Variants in LRRFIP1 observed in about 807,000 individuals in gnomAD.
LRRFIP1 encodes LRR binding FLII interacting protein 1, also known as leucine-rich repeat flightless-interacting protein 1.
In LRRFIP1, 62 loss-of-function variants were observed where a neutral mutation model predicts 104.4. The ratio of observed to expected loss-of-function variants is 0.59; its 90% CI spans 0.48 to 0.73. The LOEUF (loss-of-function observed/expected upper bound fraction) is 0.73, where lower values mean the gene tolerates loss of function less well. Ranked by LOEUF, LRRFIP1 falls within the 30% of genes least tolerant of loss-of-function variation. The pLI is 0.00. For missense variants in LRRFIP1, 796 were observed against 824.5 expected, an observed-to-expected ratio of 0.97 and a Z score of 0.42; for synonymous variants, 300 against 299.0, an observed-to-expected ratio of 1.00 and a Z score of -0.03.
chr2:237,776,414 A>G lies in LRRFIP1; in HGVS notation c.1812+1952A>G, dbSNP rs78902373. 4.6e-3 allele frequency among the ~76,000 whole-genome samples: 706 copies of G among 151,966 alleles called. 4 individuals are homozygous for G. The highest frequency in any genetic ancestry group is 0.017 in the Middle Eastern group (5 of 294). ...GGTTAAGAAGAATGTGTAGTCTCTG[A>G]TTTATGGATGCAAAATTCTGTATAC... On this transcript the variant is annotated intron_variant, in intron 23 of 23. Transcript: ENST00000308482.
In LRRFIP1 at chr2:237,703,903, A is replaced by G. The variant is rs1370438740; in HGVS notation, c.97-4641A>G. Among the ~76,000 whole-genome samples the G allele has an allele frequency of 6.6e-6, 1 of 152,104 alleles. No individual in the cohort carries two copies. Among genetic ancestry groups the G allele is most frequent in the Non-Finnish European group, 1.5e-5 (1 of 68,012 alleles). ...CAGAAAGTGACAGGCCGTGTTCAGAAGCTCTTCAAGCAGTCTGACGTGGCT... is the reference window on the plus strand; with the variant it reads ...CAGAAAGTGACAGGCCGTGTTCAGAGGCTCTTCAAGCAGTCTGACGTGGCT... On this transcript the variant is annotated intron_variant, in intron 1 of 23. Coordinates refer to ENST00000308482, the MANE Select transcript of LRRFIP1 (RefSeq NM_001137550.2). The surrounding 1 kb of genome is among the most constrained non-coding windows in gnomAD (Gnocchi z 4.3).
intron 1 of LRRFIP1, among the ~76,000 whole-genome samples, chr2:237,643,103 T>C (rs994786469): frequency 6.6e-6 from 1 of 152,154 alleles, no homozygotes; most frequent in African/African-American, 2.4e-5. Context: ...GTCAGAAAGG[T>C]TTAAAATAAA....
At chr2:237,751,777 A>G (rs192972708) in intron 14 of LRRFIP1, among the ~76,000 whole-genome samples, 55 of 152,314 alleles carry the variant, frequency 3.6e-4, no homozygotes, top group African/African-American at 1.3e-3. Flanking sequence ...TGACTATGGC[A>G]TTGGCTTTCT....
chr2:237,685,140 A>G (rs922784218), intron 1 of LRRFIP1, among the ~76,000 whole-genome samples: 4 of 148,060 alleles, frequency 2.7e-5, no homozygotes, highest in Non-Finnish European at 5.9e-5. Flanking sequence ...CCCAAAAATC[A>G]GAAGTGGTTT....
intron 1 of LRRFIP1, among the ~76,000 whole-genome samples, chr2:237,673,624 T>C (rs1349391705): frequency 1.3e-5 from 2 of 152,194 alleles, no homozygotes; most frequent in Non-Finnish European, 2.9e-5. Context: ...TGGCGTGGTA[T>C]CTGGCACGGC....
intron 6 of LRRFIP1, 118 bp downstream of exon 6, chr2:237,720,940 T>C: frequency 1.2e-6 from 1 of 864,476 alleles, no homozygotes; most frequent in Non-Finnish European, 1.9e-6. Context: ...AGTCAATATT[T>C]AACCGATGAG....
At chr2:237,754,769 G>C (rs551463100) in intron 15 of LRRFIP1, among the ~76,000 whole-genome samples, 1 of 152,364 alleles carries the variant, frequency 6.6e-6, no homozygotes, top group East Asian at 1.9e-4. Flanking sequence ...ATGTGGGAAC[G>C]GAGGAGTGGA....
At chr2:237,734,315 CTG>C (rs896542986) in intron 9 of LRRFIP1, among the ~76,000 whole-genome samples, 5 of 133,588 alleles carry the variant, frequency 3.7e-5, no homozygotes, top group African/African-American at 1.4e-4. Flanking sequence ...GAATCTCCCT[CTG>C]TCACCCAGGC....
chr2:237,725,545 G>A lies in LRRFIP1; in HGVS notation c.384+1959G>A, dbSNP rs554784988. The stretch of plus-strand genomic sequence containing the variant: ...AACACCATCCAAGAGGAGAAAGTTA[G>A]CAGTGTTCTTTAAGAAGGTCAAAGT... On this transcript the variant is annotated intron_variant, in intron 7 of 23. Coordinates refer to ENST00000308482, the MANE Select transcript of LRRFIP1 (RefSeq NM_001137550.2). Among the ~76,000 whole-genome samples, 5 of 152,210 alleles carry A rather than the reference G, an allele frequency of 3.3e-5. No homozygotes were observed. In the South Asian group the frequency reaches 6.2e-4, roughly 19 times the overall value.
rs997018034 is a variant in LRRFIP1, at chr2:237,661,612, G to A, written c.96+33872G>A. Among the ~76,000 whole-genome samples, 2 of 152,144 alleles carry A rather than the reference G, an allele frequency of 1.3e-5. No individual in the cohort carries two copies. The highest frequency in any genetic ancestry group is 2.9e-5 in the Non-Finnish European group (2 of 68,038). ...CCATGAAACCATCCTTGTCCTCACT[G>A]TCGATGGAATTTTTCAGTGATACCT... On this transcript the variant is annotated intron_variant, in intron 1 of 23. Coordinates refer to ENST00000308482, the MANE Select transcript of LRRFIP1 (RefSeq NM_001137550.2). This position sits in a 1 kb window ranked among gnomAD's most constrained non-coding sequence, Gnocchi z 4.4.
intron 8 of LRRFIP1, 90 bp downstream of exon 8, chr2:237,728,025 G>A: frequency 1.1e-6 from 1 of 927,244 alleles, no homozygotes; most frequent in South Asian, 1.6e-5. Context: ...TTTAAATTTA[G>A]CTTCTTTGCT....
At chr2:237,759,959 C>A in intron 18 of LRRFIP1, 105 bp from the exon 19 acceptor site, 1 of 1,011,002 alleles carries the variant, frequency 9.9e-7, no homozygotes, top group Non-Finnish European at 1.5e-6. Flanking sequence ...TGGAGTTACC[C>A]TGTACTTCAG....
intron 19 of LRRFIP1, 64 bp downstream of exon 19, chr2:237,760,269 C>G: frequency 6.4e-7 from 1 of 1,573,044 alleles, no homozygotes; most frequent in Admixed American, 1.7e-5. Flanking sequence ...ACCCTCCATG[C>G]ACTGCTGGGG....
intron 8 of LRRFIP1, among the ~76,000 whole-genome samples, chr2:237,730,912 CATCTCAGACAAACAAACAAACA>C (rs1455222245): frequency 7.0e-6 from 1 of 142,830 alleles, no homozygotes; most frequent in Non-Finnish European, 1.5e-5. Flanking sequence ...AGTGAGATTC[CATCTCAGACAAACAAACAAACA>C]AACAAACAAA....
intron 19 of LRRFIP1, chr2:237,762,632 G>T: frequency 6.2e-7 from 1 of 1,608,052 alleles, no homozygotes; most frequent in Non-Finnish European, 8.5e-7. Context: ...GGTGAAAAAT[G>T]AAATCGTGGC....
At chr2:237,771,871 A>C (rs903159031) in intron 20 of LRRFIP1, 1 of 542,802 alleles carries the variant, frequency 1.8e-6, no homozygotes, top group Admixed American at 3.1e-5. Flanking sequence ...GAAGAATTTC[A>C]CTTTAGAAAT....
chr2:237,632,711 G>A (rs10192136), intron 1 of LRRFIP1, among the ~76,000 whole-genome samples: 67,731 of 151,918 alleles, frequency 0.45, 15,313 homozygotes, highest in African/African-American at 0.46. Context: ...CAGCCCAGAA[G>A]TGGGGTTCAG....
chr2:237,763,734 G>A, intron 19 of LRRFIP1: 1 of 1,614,246 alleles, frequency 6.2e-7, no homozygotes, highest in Non-Finnish European at 8.5e-7. Flanking sequence ...CTAGCTGATG[G>A]AGACACATTA....
chr2:237,765,717 T>TA (rs1389876690), intron 19 of LRRFIP1: 1 of 935,486 alleles, frequency 1.1e-6, no homozygotes, highest in African/African-American at 1.8e-5. Context: ...AAAATAATTG[T>TA]AAAGTTAGAT....
Sources: allele counts gnomAD v4.1 joint callset (sites outside exome capture counted in the v4.1 genomes callset), GRCh38; gene constraint gnomAD v4.1.1; non-coding constraint Gnocchi (gnomAD v3.1); transcripts MANE v1.5; gene names NCBI Gene and HGNC (gene_info 2026-07-23, HGNC 2026-07-21).